The following C12orf50 variants were observed in gnomAD, a reference collection of about 807,000 sequenced individuals.
C12orf50 encodes zinc finger CCCH-type containing 11D, also known as uncharacterized protein C12orf50.
Under a neutral mutation model 61.6 loss-of-function variants are expected in C12orf50, and 35 were observed. The observed-to-expected ratio is 0.57, with a 90% CI of 0.43 to 0.75. The LOEUF (loss-of-function observed/expected upper bound fraction) is 0.75, where lower values mean the gene tolerates loss of function less well. C12orf50 is among the 30% of genes least tolerant of loss of function. The pLI, the probability that C12orf50 is intolerant of heterozygous loss-of-function variation, is 0.00. For synonymous variants in C12orf50, 178 were observed against 161.5 expected (o/e 1.10, Z -0.77); for missense variants, 475 against 488.5 (o/e 0.97, Z 0.26).
intron 7 of C12orf50, among the ~76,000 whole-genome samples, chr12:87,993,838 T>C (rs2031248410): frequency 6.6e-6 from 1 of 152,202 alleles, no homozygotes; most frequent in Non-Finnish European, 1.5e-5. Flanking sequence ...TCCAAAATAT[T>C]TAAGCTATAA....
At chr12:88,007,282 CTTAT>C (rs1348977870) in intron 3 of C12orf50, among the ~76,000 whole-genome samples, 9 of 152,112 alleles carry the variant, frequency 5.9e-5, no homozygotes, top group Non-Finnish European at 1.0e-4. Context: ...GAGTCCTCAT[CTTAT>C]TTAAGTTTAT....
At chr12:87,998,535 AG>A (rs1400037671) in intron 3 of C12orf50, among the ~76,000 whole-genome samples, 38 of 152,304 alleles carry the variant, frequency 2.5e-4, no homozygotes, top group Admixed American at 2.1e-3. Context: ...AAGAAGTTAA[AG>A]AAATGTTGAA....
chr12:88,010,360 AT>A (rs1056749368), intron 3 of C12orf50, among the ~76,000 whole-genome samples: 17 of 150,198 alleles, frequency 1.1e-4, no homozygotes, highest in South Asian at 4.2e-4. Flanking sequence ...TTATTCTTGT[AT>A]TTTTTAAATA....
chr12:87,996,579 A>G lies in C12orf50; in HGVS notation c.357T>C (p.Cys119=). Residue 119 remains cysteine, a synonymous_variant, in exon 5 of 13, where the codon TGT becomes TGC. Coordinates refer to ENST00000298699, the MANE Select transcript of C12orf50 (RefSeq NM_152589.3). ...IEEKRAIKEM[C]YKSGEYYRFH... ...TGTTTGATTTCTTACCAGATTTATAACACATCTCCTTTATTGCTCTTTTTT... is the reference window on the plus strand; with the variant it reads ...TGTTTGATTTCTTACCAGATTTATAGCACATCTCCTTTATTGCTCTTTTTT... The G allele has an allele frequency of 6.2e-7, 1 of 1,608,736 alleles. No homozygotes were observed. The highest frequency in any genetic ancestry group is 8.5e-7 in the Non-Finnish European group (1 of 1,175,490).
At chr12:87,986,089 C>G in intron 10 of C12orf50, 36 bp from the exon 11 acceptor site, 1 of 1,597,034 alleles carries the variant, frequency 6.3e-7, no homozygotes, top group Non-Finnish European at 8.6e-7. Context: ...AGGAATAAAA[C>G]AGGCTGGTTT....
At chr12:87,996,833 T>C (rs2031418039) in intron 4 of C12orf50, among the ~76,000 whole-genome samples, 187 bp from the exon 5 acceptor site, 1 of 152,198 alleles carries the variant, frequency 6.6e-6, no homozygotes, top group South Asian at 2.1e-4. Flanking sequence ...CAAAACAATG[T>C]CAAGAGAAAA....
intron 3 of C12orf50, among the ~76,000 whole-genome samples, chr12:88,011,833 A>C (rs2032120922): frequency 6.6e-6 from 1 of 152,170 alleles, no homozygotes; most frequent in African/African-American, 2.4e-5. Context: ...TAATCTCTTT[A>C]ATTATATAAG....
At chr12:87,982,312 AC>A (rs1336259857) in intron 12 of C12orf50, among the ~76,000 whole-genome samples, 1 of 152,166 alleles carries the variant, frequency 6.6e-6, no homozygotes, top group Non-Finnish European at 1.5e-5. Flanking sequence ...CTCTTGCAGC[AC>A]AGTATGATTT....
Position 88,026,520 on chromosome 12 carries a change from T to A in C12orf50, c.101A>T (p.Asn34Ile). ...TGGTGGCAAAAATAATCCATTGATA[T>A]TTCGAGGTTTGCTGTGATAAAAGAT... ...SCIFYHSKPR[N>I]INGLFLPPSS... Residue 34 changes from asparagine (N) to isoleucine (I), a missense_variant, in exon 3 of 13, where the codon AAT becomes ATT. Physicochemically the swap from Asn to Ile is moderately radical, Grantham distance 149 (BLOSUM62 -3). Transcript: ENST00000298699. 1.2e-6 allele frequency: 2 copies of A among 1,613,898 alleles called. No individual in the cohort carries two copies. The highest frequency in any genetic ancestry group is 1.7e-6 in the Non-Finnish European group (2 of 1,179,980).
chr12:87,981,963 A>T (rs574437167), intron 12 of C12orf50, among the ~76,000 whole-genome samples: 5 of 152,224 alleles, frequency 3.3e-5, no homozygotes, highest in Non-Finnish European at 7.4e-5. Flanking sequence ...TAGATGGTAC[A>T]TGTATTATGT....
intron 3 of C12orf50, among the ~76,000 whole-genome samples, chr12:88,014,753 A>G (rs1489830741): frequency 6.6e-6 from 1 of 152,178 alleles, no homozygotes; most frequent in Admixed American, 6.5e-5. Flanking sequence ...GCCAGTTTTT[A>G]TGATGATTAA....
chr12:87,998,783 C>T lies in C12orf50; in HGVS notation c.134-593G>A, dbSNP rs143935381. ...GTATCATTGGAATAGGACTGCAAGA[C>T]CAGAACTAAATCTTTATATGAATCA... On this transcript the variant is annotated intron_variant, in intron 3 of 12. Coordinates refer to ENST00000298699, the MANE Select transcript of C12orf50 (RefSeq NM_152589.3). Among the ~76,000 whole-genome samples the T allele has an allele frequency of 2.2e-3, 335 of 152,198 alleles. 3 individuals are homozygous for T. The highest frequency in any genetic ancestry group is 3.8e-3 in the Non-Finnish European group (260 of 68,002).
chr12:88,005,795 G>A (rs1214538550), intron 3 of C12orf50, among the ~76,000 whole-genome samples: 1 of 151,452 alleles, frequency 6.6e-6, no homozygotes, highest in East Asian at 1.9e-4. Context: ...GTAGTTACCT[G>A]CAAGGTGTTC....
chr12:88,007,452 G>A (rs1464575324), intron 3 of C12orf50, among the ~76,000 whole-genome samples: 1 of 152,192 alleles, frequency 6.6e-6, no homozygotes, highest in African/African-American at 2.4e-5. Context: ...TCACAGTACT[G>A]GAGGTTGAGA....
chr12:88,025,213 C>A (rs11104721), intron 3 of C12orf50, among the ~76,000 whole-genome samples: 1,947 of 152,130 alleles, frequency 0.013, 101 homozygotes, highest in East Asian at 0.11. Context: ...TTAGAGTAGA[C>A]AAGAGAAGGC....
chr12:88,018,101 A>G (rs957774701), intron 3 of C12orf50, among the ~76,000 whole-genome samples: 4 of 152,202 alleles, frequency 2.6e-5, no homozygotes, highest in African/African-American at 7.2e-5. Flanking sequence ...AATGTCTCCA[A>G]TGTATGTCAG....
intron 3 of C12orf50, among the ~76,000 whole-genome samples, chr12:88,013,205 G>A (rs1423292467): frequency 6.7e-6 from 1 of 148,190 alleles, no homozygotes; most frequent in Non-Finnish European, 1.5e-5. Context: ...TAAATTGGAT[G>A]GGGGAAAAAA....
chr12:88,026,504 A>G lies in C12orf50; in HGVS notation c.117T>C (p.Phe39=). 1 of 1,613,880 alleles carries G rather than the reference A, an allele frequency of 6.2e-7. No homozygotes were observed. Among genetic ancestry groups the G allele is most frequent in the Non-Finnish European group, 8.5e-7 (1 of 1,179,954 alleles). The change falls in exon 3 of 13, where the codon TTT becomes TTC. Residue 39 remains phenylalanine (F), a synonymous_variant. Transcript: ENST00000298699. ...HSKPRNINGL[F]LPPSSNITLQ... ...TGTACTCACTGCTACTTGGTGGCAA[A>G]AATAATCCATTGATATTTCGAGGTT...
chr12:87,996,341 G>T (rs371817497), intron 6 of C12orf50, 33 bp downstream of exon 6: 11 of 1,395,876 alleles, frequency 7.9e-6, no homozygotes, highest in Middle Eastern at 1.8e-4. Context: ...ATATGTTATA[G>T]ATCACTATGA....
Sources: gnomAD v4.1 joint callset for allele counts (sites outside exome capture counted in the v4.1 genomes callset) on GRCh38, gnomAD v4.1.1 for gene constraint, MANE v1.5 for transcripts, NCBI Gene and HGNC (gene_info 2026-07-23, HGNC 2026-07-21) for gene names.